The following PLPP1 variants were observed in gnomAD, a reference collection of about 807,000 sequenced individuals.
PLPP1 encodes the protein lipid phosphate phosphohydrolase 1a.
In PLPP1, 24 loss-of-function variants were observed where a neutral mutation model predicts 31.2. That is an observed-to-expected ratio of 0.77 (90% CI 0.56 to 1.08). PLPP1 has a LOEUF of 1.08. PLPP1 is among the 50% of genes least tolerant of loss of function. The pLI, the probability that PLPP1 is intolerant of heterozygous loss-of-function variation, is 0.00. For missense variants in PLPP1, 319 were observed against 342.7 expected (o/e 0.93, Z 0.55); for synonymous variants, 146 against 126.3 (o/e 1.16, Z -1.05).
intron 1 of PLPP1, among the ~76,000 whole-genome samples, chr5:55,497,714 G>A (rs1753032959): frequency 1.3e-5 from 2 of 152,174 alleles, no homozygotes; most frequent in South Asian, 4.1e-4. Context: ...GAGAGTTTAA[G>A]AAAGGGACTA....
intron 1 of PLPP1, chr5:55,491,105 G>A: frequency 6.2e-7 from 1 of 1,612,806 alleles, no homozygotes; most frequent in Non-Finnish European, 8.5e-7. Flanking sequence ...AACAGCCATA[G>A]GCATGGAAGC....
At chr5:55,532,954 C>CAAA (rs61144694) in intron 1 of PLPP1, among the ~76,000 whole-genome samples, 18 of 121,364 alleles carry the variant, frequency 1.5e-4, no homozygotes, top group African/African-American at 5.5e-4. Context: ...AGACCGTCTC[C>CAAA]AAAAAAAAAA....
Position 55,534,761 on chromosome 5 carries a change from G to A in PLPP1, c.-132C>T, listed in dbSNP as rs1740825935. The A allele has an allele frequency of 2.1e-6, 2 of 964,392 alleles. No individual in the cohort carries two copies. The highest frequency in any genetic ancestry group is 3.2e-5 in the Admixed American group (1 of 30,776). 59.7% of individuals were successfully genotyped at this position (964,392 alleles called of 1,614,324 possible). On this transcript the variant is annotated 5_prime_UTR_variant, in exon 1 of 6. Transcript: ENST00000307259. ...ACGGCCCCTCCCAGCCGGAGGAGGA[G>A]AGCAGCCGAGGGCGGGCTGAGACCG...
chr5:55,477,594 T>C (rs1716639618), intron 1 of PLPP1, among the ~76,000 whole-genome samples: 1 of 151,856 alleles, frequency 6.6e-6, no homozygotes, highest in African/African-American at 2.4e-5. Flanking sequence ...GGTTCTGCCA[T>C]GTTGGCCAGG....
chr5:55,488,436 A>G (rs558501951), intron 1 of PLPP1, among the ~76,000 whole-genome samples: 8 of 152,204 alleles, frequency 5.3e-5, no homozygotes, highest in Non-Finnish European at 1.2e-4. Flanking sequence ...ACCTGAGGTC[A>G]GGAATTCAAG....
intron 3 of PLPP1, among the ~76,000 whole-genome samples, chr5:55,456,366 G>A (rs1328940486): frequency 3.9e-5 from 6 of 152,208 alleles, no homozygotes; most frequent in Admixed American, 1.3e-4. Flanking sequence ...AACCAAAATT[G>A]TAGGAGGATA....
chr5:55,457,011 T>C (rs1187567437), intron 3 of PLPP1, among the ~76,000 whole-genome samples: 8 of 151,794 alleles, frequency 5.3e-5, no homozygotes, highest in Admixed American at 5.3e-4. Flanking sequence ...AATACAAAAA[T>C]TACCCGGGGA....
At chr5:55,441,319 T>A in intron 4 of PLPP1, among the ~76,000 whole-genome samples, 1 of 152,242 alleles carries the variant, frequency 6.6e-6, no homozygotes, top group East Asian at 1.9e-4. Flanking sequence ...GGAAGTTGTA[T>A]AGATGACAGG....
At chr5:55,440,390 G>A (rs990165400) in intron 4 of PLPP1, among the ~76,000 whole-genome samples, 6 of 152,132 alleles carry the variant, frequency 3.9e-5, no homozygotes, top group South Asian at 2.1e-4. Context: ...CCTGGTCCTC[G>A]TGCTCTAATT....
intron 1 of PLPP1, among the ~76,000 whole-genome samples, chr5:55,528,377 G>A (rs185236651): frequency 7.0e-4 from 107 of 152,248 alleles, no homozygotes; most frequent in Admixed American, 3.9e-3. Context: ...CTCCATTATC[G>A]TACTTATCAT....
At chr5:55,530,207 T>A (rs1392938668) in intron 1 of PLPP1, 3 of 1,368,962 alleles carry the variant, frequency 2.2e-6, no homozygotes, top group Non-Finnish European at 3.1e-6. Flanking sequence ...ATTGAGTTTC[T>A]TCATCTAGCT....
chr5:55,459,748 G>T (rs2111764056), intron 3 of PLPP1, among the ~76,000 whole-genome samples: 1 of 151,848 alleles, frequency 6.6e-6, no homozygotes, highest in East Asian at 1.9e-4. Flanking sequence ...AACTGTGTAG[G>T]TCCATTTACA....
intron 1 of PLPP1, among the ~76,000 whole-genome samples, chr5:55,482,942 T>C (rs916262868): frequency 6.6e-6 from 1 of 152,094 alleles, no homozygotes. Context: ...TTTCAAACAA[T>C]GTACCAAAAA....
intron 1 of PLPP1, among the ~76,000 whole-genome samples, chr5:55,496,571 G>A (rs1753007379): frequency 6.6e-6 from 1 of 152,138 alleles, no homozygotes; most frequent in African/African-American, 2.4e-5. Flanking sequence ...TCTAAACTCT[G>A]CCCACCTATT....
chr5:55,449,519 T>C (rs1751849370), intron 3 of PLPP1, among the ~76,000 whole-genome samples: 1 of 152,136 alleles, frequency 6.6e-6, no homozygotes, highest in Admixed American at 6.5e-5. Flanking sequence ...CTACTCCGAG[T>C]ATAAACACAG....
intron 1 of PLPP1, among the ~76,000 whole-genome samples, chr5:55,477,027 C>T (rs181395533): frequency 2.4e-3 from 246 of 103,302 alleles, no homozygotes; most frequent in African/African-American, 7.1e-3. Flanking sequence ...AGTAATGCTA[C>T]GCCTTAAAAG....
At chr5:55,503,918 G>A (rs1312472180) in intron 1 of PLPP1, among the ~76,000 whole-genome samples, 1 of 111,904 alleles carries the variant, frequency 8.9e-6, no homozygotes, top group Admixed American at 9.2e-5. Flanking sequence ...AGGAAGGGGG[G>A]GGAGGAATGG....
chr5:55,431,803 C>CA (rs543993738), intron 4 of PLPP1, among the ~76,000 whole-genome samples: 5 of 151,818 alleles, frequency 3.3e-5, no homozygotes, highest in African/African-American at 9.7e-5. Flanking sequence ...AAAGGATCAA[C>CA]AAAAAAAGTT....
At chr5:55,513,176 G>GA (rs1162893126) in intron 1 of PLPP1, among the ~76,000 whole-genome samples, 3 of 151,716 alleles carry the variant, frequency 2.0e-5, no homozygotes, top group African/African-American at 7.3e-5. Flanking sequence ...TAGTAACTGG[G>GA]AAAGAAATAA....
Sources: gnomAD v4.1 joint callset for allele counts (sites outside exome capture counted in the v4.1 genomes callset) on GRCh38, gnomAD v4.1.1 for gene constraint, MANE v1.5 for transcripts, NCBI Gene and HGNC (gene_info 2026-07-23, HGNC 2026-07-21) for gene names.